The following KIAA1217 variants were observed in gnomAD, a reference collection of about 807,000 sequenced individuals.
KIAA1217 encodes KIAA1217.
KIAA1217 carries 88 observed loss-of-function variants against 163.9 expected under a neutral mutation model. The ratio of observed to expected loss-of-function variants is 0.54; its 90% CI spans 0.45 to 0.64. The LOEUF is 0.64. KIAA1217 is among the 30% of genes least tolerant of loss of function. KIAA1217 has a pLI of 0.00. For synonymous variants in KIAA1217, 903 were observed against 923.1 expected, an observed-to-expected ratio of 0.98 and a Z score of 0.39; for missense variants, 2,372 against 2,475.0, an observed-to-expected ratio of 0.96 and a Z score of 0.88.
At chr10:24,274,578 A>G (rs2077084596) in intron 2 of KIAA1217, among the ~76,000 whole-genome samples, 1 of 152,104 alleles carries the variant, frequency 6.6e-6, no homozygotes, top group Non-Finnish European at 1.5e-5. Flanking sequence ...CTTGTTATTC[A>G]CAGTATTGAT....
In KIAA1217 at chr10:23,721,970, G is replaced by A. The variant is rs568528729; in HGVS notation, c.-321+26736G>A. Among the ~76,000 whole-genome samples, 4 of 151,960 alleles carry A rather than the reference G, an allele frequency of 2.6e-5. No homozygotes were observed. The South Asian group carries it at 6.2e-4, about 24-fold the overall frequency. On this transcript the variant is annotated intron_variant, in intron 1 of 18. Transcript: ENST00000376462. ...CCCATTGATGGATGCATGGATAAAC[G>A]AAATGTGATGTAGTCATACAATGGA...
chr10:24,289,718 G>T (rs1175981361), intron 2 of KIAA1217, among the ~76,000 whole-genome samples: 2 of 152,056 alleles, frequency 1.3e-5, no homozygotes, highest in African/African-American at 4.8e-5. Flanking sequence ...CCCTGGCAAG[G>T]GTAGGGACCT....
In KIAA1217 at chr10:24,492,084, C is replaced by T. The variant is rs74122809; in HGVS notation, c.1680-2416C>T. ...CACTGCGGATAGAGTCCCTGTGGGACGAATGAGGACACTGGGCAACTTTCA... is the reference window on the plus strand; with the variant it reads ...CACTGCGGATAGAGTCCCTGTGGGATGAATGAGGACACTGGGCAACTTTCA... On this transcript the variant is annotated intron_variant, in intron 6 of 20. Transcript: ENST00000376454. Among the ~76,000 whole-genome samples, 1,459 of 152,290 alleles carry T rather than the reference C, an allele frequency of 9.6e-3. 16 individuals are homozygous for T. Among genetic ancestry groups the T allele is most frequent in the African/African-American group, 0.033 (1,370 of 41,556 alleles).
intron 2 of KIAA1217, among the ~76,000 whole-genome samples, chr10:24,252,625 T>A (rs1429995024): frequency 6.6e-6 from 1 of 152,082 alleles, no homozygotes; most frequent in Admixed American, 6.5e-5. Context: ...GACAGCTACA[T>A]GTGATCAGAT....
At chr10:23,839,901 G>C (rs1469559413) in intron 1 of KIAA1217, among the ~76,000 whole-genome samples, 2 of 152,116 alleles carry the variant, frequency 1.3e-5, no homozygotes, top group East Asian at 3.9e-4. Flanking sequence ...GTCCAAATGA[G>C]TACAGAAAAG....
At chr10:23,941,476 T>C (rs560442420) in intron 1 of KIAA1217, among the ~76,000 whole-genome samples, 3 of 152,318 alleles carry the variant, frequency 2.0e-5, no homozygotes, top group African/African-American at 7.2e-5. Context: ...CTAACATTTA[T>C]TCCACTTTTT....
chr10:24,289,093 C>T (rs910648896), intron 2 of KIAA1217, among the ~76,000 whole-genome samples: 2 of 152,086 alleles, frequency 1.3e-5, no homozygotes, highest in Admixed American at 1.3e-4. Context: ...CATCCTATGC[C>T]AAGTTTATAA....
At chr10:23,984,892 A>G (rs1845909151) in intron 1 of KIAA1217, among the ~76,000 whole-genome samples, 1 of 151,798 alleles carries the variant, frequency 6.6e-6, no homozygotes, top group Admixed American at 6.6e-5. Flanking sequence ...ACAAACCTGC[A>G]TGTTTGGCAC....
At position 24,138,522 on chromosome 10, in the gene KIAA1217, G is replaced by C. The variant is rs2063922853; in HGVS notation, c.-170-81104G>C. ...TTTTCATTAGATTATGTGTTTTTAT[G>C]TTATTGTAAGCTATTTGTAGACACA... On this transcript the variant is annotated intron_variant, in intron 2 of 18. Transcript: ENST00000376462. Among the ~76,000 whole-genome samples, 2 of 151,642 alleles carry C rather than the reference G, an allele frequency of 1.3e-5. 1 individual carries two copies. Among genetic ancestry groups the C allele is most frequent in the South Asian group, 4.2e-4 (2 of 4,810 alleles).
chr10:24,075,323 A>G (rs1421823743), intron 2 of KIAA1217, among the ~76,000 whole-genome samples: 2 of 151,754 alleles, frequency 1.3e-5, no homozygotes, highest in Non-Finnish European at 2.9e-5. Context: ...GAATTTTACA[A>G]CTCTTTAAGA....
chr10:24,159,554 C>A (rs996074565), intron 2 of KIAA1217, among the ~76,000 whole-genome samples: 14 of 151,644 alleles, frequency 9.2e-5, no homozygotes, highest in African/African-American at 3.4e-4. Context: ...CCGAGGCGGG[C>A]GGATCACGAG....
intron 3 of KIAA1217, among the ~76,000 whole-genome samples, chr10:24,394,649 G>A (rs11014077): frequency 0.028 from 4,279 of 152,118 alleles, 223 homozygotes; most frequent in African/African-American, 0.098. Flanking sequence ...AAGACTTCCC[G>A]GATGAAGCTC....
Position 24,528,075 on chromosome 10 carries a change from C to T in KIAA1217, c.3038C>T (p.Pro1013Leu). Residue 1013 changes from proline to leucine, a missense_variant, in exon 14 of 21, where the codon CCA (proline) becomes CTA (leucine). Physicochemically the swap from Pro to Leu is moderately conservative, Grantham distance 98 (BLOSUM62 -3). This residue lies in a region of KIAA1217 where 1,431 missense variants were observed against 1,470.3 expected (regional missense o/e 0.97). Transcript: ENST00000376454. ...PNLEMPPATG[P>L]LPRGDAPVDK... ...CTGGAGATGCCGCCAGCCACAGGCC[C>T]ACTGCCAAGGGGAGATGCCCCAGTG... 1 of 1,614,104 alleles carries T rather than the reference C, an allele frequency of 6.2e-7. No homozygotes were observed. Among genetic ancestry groups the T allele is most frequent in the Non-Finnish European group, 8.5e-7 (1 of 1,179,994 alleles).
At chr10:23,701,102 C>T (rs1435143406) in intron 1 of KIAA1217, among the ~76,000 whole-genome samples, 2 of 152,148 alleles carry the variant, frequency 1.3e-5, no homozygotes, top group African/African-American at 4.8e-5. Flanking sequence ...GCGTCTGGCA[C>T]TTGGTACATG....
intron 1 of KIAA1217, among the ~76,000 whole-genome samples, chr10:23,940,954 C>A (rs1372287276): frequency 6.6e-6 from 1 of 152,200 alleles, no homozygotes; most frequent in Non-Finnish European, 1.5e-5. Flanking sequence ...CTGTGCCAAA[C>A]TAAATGAAAC....
At chr10:24,490,008 G>A (rs902438016) in intron 6 of KIAA1217, among the ~76,000 whole-genome samples, 2 of 151,854 alleles carry the variant, frequency 1.3e-5, no homozygotes. Flanking sequence ...CGTCTTCACA[G>A]ACAGACATGG....
chr10:23,797,697 A>C (rs539665224), intron 1 of KIAA1217, among the ~76,000 whole-genome samples: 25 of 152,324 alleles, frequency 1.6e-4, no homozygotes, highest in Middle Eastern at 3.4e-3. Context: ...AACTGTCATG[A>C]GAACTCACTC....
chr10:24,417,429 C>T (rs538240535), intron 3 of KIAA1217, among the ~76,000 whole-genome samples: 1 of 152,310 alleles, frequency 6.6e-6, no homozygotes, highest in South Asian at 2.1e-4. Flanking sequence ...TTGAGGCACT[C>T]ACGCTTGAGG....
Position 24,473,967 on chromosome 10 carries a change from G to A in KIAA1217, c.1586G>A (p.Gly529Glu), listed in dbSNP as rs767300228. Residue 529 changes from glycine (G) to glutamate (E), a missense_variant, in exon 6 of 21, where the codon GGA (glycine) becomes GAA (glutamate). Coordinates refer to ENST00000376454, the MANE Select transcript of KIAA1217 (RefSeq NM_019590.5). ...VYIEKPRSAA[G>E]LSSLVDLGPP... ...ATAGAAAAGCCACGGAGCGCTGCAG[G>A]ATTATCCAGCCTTGTAGACCTCGGC... 4 of 1,614,192 alleles carry A rather than the reference G, an allele frequency of 2.5e-6. No individual in the cohort carries two copies. The highest frequency in any genetic ancestry group is 2.2e-5 in the South Asian group (2 of 91,088).
Sources: gnomAD v4.1 joint callset for allele counts (sites outside exome capture counted in the v4.1 genomes callset) on GRCh38, gnomAD v4.1.1 for gene constraint, gnomAD v4.1.1 regional missense constraint, MANE v1.5 for transcripts, NCBI Gene and HGNC (gene_info 2026-07-23, HGNC 2026-07-21) for gene names.